Variants in CFAP68 observed in about 807,000 individuals in gnomAD.
CFAP68 encodes cilia and flagella associated protein 68.
chr11:111,882,994 G>T, the CFAP68 span: 1 of 716,258 alleles, frequency 1.4e-6, no homozygotes, highest in Non-Finnish European at 2.4e-6. Flanking sequence ...ACATGTGAAA[G>T]TTAGAAGGAT....
the CFAP68 span, among the ~76,000 whole-genome samples, chr11:111,880,050 C>T: frequency 6.6e-6 from 1 of 152,028 alleles, no homozygotes; most frequent in Non-Finnish European, 1.5e-5. Flanking sequence ...TCATAGGGAG[C>T]GTTGTAAGCC....
chr11:111,880,419 A>T, the CFAP68 span, among the ~76,000 whole-genome samples: 1 of 152,226 alleles, frequency 6.6e-6, no homozygotes, highest in Non-Finnish European at 1.5e-5. Context: ...GCTCAGCACA[A>T]GATACAGGTC....
chr11:111,883,754 T>C, the CFAP68 span: 1 of 1,560,016 alleles, frequency 6.4e-7, no homozygotes, highest in African/African-American at 1.4e-5. Flanking sequence ...TTCCTTCCTT[T>C]TTTTTTCTTC....
At chr11:111,880,191 A>G in the CFAP68 span, among the ~76,000 whole-genome samples, 1 of 152,016 alleles carries the variant, frequency 6.6e-6, no homozygotes, top group Non-Finnish European at 1.5e-5. Context: ...TTCAACCCAC[A>G]CCACCCGCCC....
chr11:111,880,331 T>G, the CFAP68 span, among the ~76,000 whole-genome samples: 1 of 152,200 alleles, frequency 6.6e-6, no homozygotes, highest in East Asian at 1.9e-4. Context: ...CCGTCTTGAA[T>G]AGGGGCTAGG....
At chr11:111,882,479 T>C in the CFAP68 span, 1 of 1,614,178 alleles carries the variant, frequency 6.2e-7, no homozygotes, top group Non-Finnish European at 8.5e-7. Flanking sequence ...GTTTTTCCAG[T>C]ATGGATGGCG....
the CFAP68 span, chr11:111,882,508 T>C: frequency 9.3e-6 from 15 of 1,614,010 alleles, no homozygotes; most frequent in Non-Finnish European, 1.3e-5. Context: ...CTAATGAGAA[T>C]ACCTATTCAA....
chr11:111,883,797 C>G, the CFAP68 span: 1 of 1,613,170 alleles, frequency 6.2e-7, no homozygotes, highest in Non-Finnish European at 8.5e-7. Flanking sequence ...TCACTGGTTC[C>G]CAGGACATCA....
the CFAP68 span, chr11:111,882,283 G>A: frequency 9.0e-7 from 1 of 1,108,212 alleles, no homozygotes; most frequent in Admixed American, 2.1e-5. Context: ...TGTTATACCT[G>A]GCTATGTAAA....
chr11:111,882,350 ATTC>A, the CFAP68 span: 2 of 1,598,354 alleles, frequency 1.3e-6, no homozygotes, highest in African/African-American at 2.7e-5. Flanking sequence ...AAGCTTTTCT[ATTC>A]TTGTCTTTTC....
chr11:111,881,285 G>A, the CFAP68 span: 1 of 1,422,256 alleles, frequency 7.0e-7, no homozygotes, highest in African/African-American at 1.4e-5. Context: ...AGCTACTCTG[G>A]TCATCATGTT....
At chr11:111,881,347 G>A in the CFAP68 span, 3 of 1,470,272 alleles carry the variant, frequency 2.0e-6, no homozygotes, top group Non-Finnish European at 2.7e-6. Flanking sequence ...GATGGTATGA[G>A]GGTAGTTACC....
chr11:111,885,138 C>G, the CFAP68 span: 1 of 144,790 alleles, frequency 6.9e-6, no homozygotes, highest in African/African-American at 2.6e-5. Flanking sequence ...GCGACAAGAG[C>G]GAAACTCCGT....
At chr11:111,883,014 C>T in the CFAP68 span, 22 of 787,866 alleles carry the variant, frequency 2.8e-5, no homozygotes, top group Non-Finnish European at 4.5e-5. Context: ...TATAGACTAA[C>T]ACCATAGAAC....
At chr11:111,881,452 T>C in the CFAP68 span, 1 of 1,535,638 alleles carries the variant, frequency 6.5e-7, no homozygotes, top group Non-Finnish European at 8.7e-7. Context: ...CACTTGCCCA[T>C]GGTAATCTGG....
chr11:111,881,285 GTCA>G, the CFAP68 span: 1 of 1,422,138 alleles, frequency 7.0e-7, no homozygotes. Flanking sequence ...AGCTACTCTG[GTCA>G]TCATGTTGTT....
chr11:111,883,751 CT>C, the CFAP68 span: 128 of 1,512,448 alleles, frequency 8.5e-5, no homozygotes, highest in Middle Eastern at 5.1e-4. Flanking sequence ...TCTTTCCTTC[CT>C]TTTTTTTTCT....
At chr11:111,885,936 T>G in the CFAP68 span, 1 of 151,886 alleles carries the variant, frequency 6.6e-6, no homozygotes, top group Admixed American at 6.6e-5. Flanking sequence ...TTCACTCCTA[T>G]TCAATGCCAT....
At chr11:111,879,843 G>A in the CFAP68 span, among the ~76,000 whole-genome samples, 2 of 152,206 alleles carry the variant, frequency 1.3e-5, no homozygotes, top group African/African-American at 4.8e-5. Context: ...AAGAGGGTCA[G>A]AGAGTCCTTG....
Sources: gnomAD v4.1 joint callset for allele counts (sites outside exome capture counted in the v4.1 genomes callset) on GRCh38, gnomAD v4.1.1 for gene constraint, MANE v1.5 for transcripts, NCBI Gene and HGNC (gene_info 2026-07-23, HGNC 2026-07-21) for gene names.